UBE3A: variants seen among roughly 807,000 people sequenced by gnomAD.
UBE3A encodes the protein ubiquitin protein ligase E3A.
A neutral mutation model predicts 83.4 loss-of-function variants in UBE3A; 6 were observed. The ratio of observed to expected loss-of-function variants is 0.07; its 90% CI spans 0.04 to 0.14. The LOEUF (loss-of-function observed/expected upper bound fraction) is 0.14, where lower values mean the gene tolerates loss of function less well. Among genes scored for constraint, UBE3A ranks in the 10% least tolerant of loss-of-function variants. UBE3A has a pLI of 1.00. For missense variants in UBE3A, 456 were observed against 1,036.1 expected (o/e 0.44, Z 7.69); for synonymous variants, 337 against 355.4 (o/e 0.95, Z 0.58).
At chr15:25,354,109 T>C (rs1299882573) in intron 11 of UBE3A, 2 of 563,606 alleles carry the variant, frequency 3.5e-6, no homozygotes, top group African/African-American at 1.9e-5. Flanking sequence ...GAATACTAGA[T>C]AATCCATACG....
intron 1 of UBE3A, among the ~76,000 whole-genome samples, chr15:25,427,435 G>C (rs923296232): frequency 6.6e-6 from 1 of 151,794 alleles, no homozygotes; most frequent in South Asian, 2.1e-4. Flanking sequence ...GAATGCACAG[G>C]AAGGTAAGGC....
chr15:25,438,464 T>G (rs1323394187), intron 1 of UBE3A, 25 bp downstream of exon 1: 2 of 152,092 alleles, frequency 1.3e-5, no homozygotes, highest in Non-Finnish European at 2.9e-5. Context: ...CAGCGCCGCC[T>G]GGCGCAGGCC....
At chr15:25,434,545 A>G (rs1203366945) in intron 1 of UBE3A, among the ~76,000 whole-genome samples, 1 of 152,268 alleles carries the variant, frequency 6.6e-6, no homozygotes, top group East Asian at 1.9e-4. Flanking sequence ...GTAATTTTAC[A>G]TCATTTCCTT....
intron 4 of UBE3A, among the ~76,000 whole-genome samples, chr15:25,385,086 C>A (rs1282741495): frequency 6.6e-6 from 1 of 152,010 alleles, no homozygotes; most frequent in East Asian, 1.9e-4. Flanking sequence ...CACAAGCAAC[C>A]AAAGCAAAAA....
At chr15:25,347,732 C>T (rs369197891) in intron 11 of UBE3A, among the ~76,000 whole-genome samples, 1 of 151,526 alleles carries the variant, frequency 6.6e-6, no homozygotes, top group South Asian at 2.1e-4. Context: ...CAAAACAAAA[C>T]CCAAACACTA....
At chr15:25,372,019 A>C (rs1460349618) in intron 5 of UBE3A, among the ~76,000 whole-genome samples, 2 of 152,140 alleles carry the variant, frequency 1.3e-5, no homozygotes, top group African/African-American at 2.4e-5. Context: ...ACCTATACCA[A>C]TGACCTCACC....
intron 7 of UBE3A, among the ~76,000 whole-genome samples, chr15:25,359,996 C>T (rs1041945779): frequency 6.6e-6 from 1 of 152,168 alleles, no homozygotes; most frequent in African/African-American, 2.4e-5. Flanking sequence ...GTGAGACAGT[C>T]TCTCAATACT....
chr15:25,408,964 T>G, intron 3 of UBE3A, 124 bp downstream of exon 3: 1 of 1,017,644 alleles, frequency 9.8e-7, no homozygotes. Context: ...ATGAAGTAGG[T>G]CAACTCTCAG....
Position 25,354,508 on chromosome 15 carries a change from G to A in UBE3A, c.2280+20C>T, listed in dbSNP as rs769119425. 2 of 1,613,820 alleles carry A rather than the reference G, an allele frequency of 1.2e-6. No homozygotes were observed. The highest frequency in any genetic ancestry group is 2.2e-5 in the South Asian group (2 of 91,074). On this transcript the variant is annotated intron_variant, in intron 10 of 12. Coordinates refer to ENST00000648336, the MANE Select transcript of UBE3A (RefSeq NM_130839.5). ...ACAATAAATCGATACATGACTTTTT[G>A]CAGACACCTGCTTTCTTACCCGGCT...
chr15:25,355,432 TATTCCC>T (rs1191735034), intron 9 of UBE3A, among the ~76,000 whole-genome samples: 1 of 152,226 alleles, frequency 6.6e-6, no homozygotes, highest in East Asian at 1.9e-4. Context: ...TGTTCTGGGT[TATTCCC>T]ATTCCCGATG....
chr15:25,411,531 AG>A (rs1283080961), intron 2 of UBE3A, among the ~76,000 whole-genome samples: 20 of 152,228 alleles, frequency 1.3e-4, no homozygotes, highest in African/African-American at 4.6e-4. Context: ...TGGACGTTGC[AG>A]TGAGTCAAGA....
intron 7 of UBE3A, among the ~76,000 whole-genome samples, chr15:25,357,896 T>C (rs2077447978): frequency 6.8e-6 from 1 of 146,904 alleles, no homozygotes; most frequent in Non-Finnish European, 1.5e-5. Flanking sequence ...GCCCCAATCA[T>C]GGAGGCTTTT....
intron 11 of UBE3A, among the ~76,000 whole-genome samples, chr15:25,353,503 G>A (rs984326419): frequency 6.6e-6 from 1 of 152,082 alleles, no homozygotes; most frequent in African/African-American, 2.4e-5. Flanking sequence ...TACTGAATCT[G>A]CTCTTAGTTG....
chr15:25,347,352 G>C (rs754032565), intron 11 of UBE3A: 3 of 152,084 alleles, frequency 2.0e-5, no homozygotes, highest in Non-Finnish European at 4.4e-5. Flanking sequence ...GTGAATGGTG[G>C]TAAGTCACAT....
chr15:25,399,027 G>A lies in UBE3A; in HGVS notation c.62+6434C>T, dbSNP rs2086449195. ...CTTATTTTGAGAAATGTCTATTCAA[G>A]TCCTTTGCCCATTTCTTAAGTGAGG... On this transcript the variant is annotated intron_variant, in intron 4 of 12. Transcript: ENST00000648336. 2.6e-5 allele frequency among the ~76,000 whole-genome samples: 4 copies of A among 151,420 alleles called. No homozygotes were observed. The East Asian group carries it at 7.8e-4, about 30-fold the overall frequency.
chr15:25,379,779 T>G (rs1437831445), intron 4 of UBE3A, among the ~76,000 whole-genome samples: 1 of 152,178 alleles, frequency 6.6e-6, no homozygotes, highest in African/African-American at 2.4e-5. Context: ...GTCCACCACC[T>G]GTTTATGTCT....
intron 7 of UBE3A, among the ~76,000 whole-genome samples, chr15:25,360,048 C>T (rs1316810333): frequency 6.6e-6 from 1 of 152,134 alleles, no homozygotes; most frequent in Non-Finnish European, 1.5e-5. Context: ...TCAGGAAAAC[C>T]GTGAGTTTGA....
intron 11 of UBE3A, among the ~76,000 whole-genome samples, chr15:25,344,090 A>T (rs1186662316): frequency 6.6e-6 from 1 of 152,236 alleles, no homozygotes; most frequent in Non-Finnish European, 1.5e-5. Context: ...CATTTGATGC[A>T]ACAATCCCAC....
At chr15:25,374,440 A>G (rs1051254152) in intron 5 of UBE3A, 4 of 152,362 alleles carry the variant, frequency 2.6e-5, no homozygotes, top group Admixed American at 1.3e-4. Flanking sequence ...AATAAAGTCA[A>G]TGCAGCTTCC....
Sources: gnomAD v4.1 joint callset for allele counts (sites outside exome capture counted in the v4.1 genomes callset) on GRCh38, gnomAD v4.1.1 for gene constraint, MANE v1.5 for transcripts, NCBI Gene and HGNC (gene_info 2026-07-23, HGNC 2026-07-21) for gene names.